Variants in CYP2U1 observed in about 807,000 individuals in gnomAD.
CYP2U1 encodes the protein cytochrome P450 family 2 subfamily U member 1.
In CYP2U1, 28 loss-of-function variants were observed where a neutral mutation model predicts 42.8. That is an observed-to-expected ratio of 0.65 (90% CI 0.48 to 0.90). The LOEUF (loss-of-function observed/expected upper bound fraction) is 0.90, where lower values mean the gene tolerates loss of function less well. Among genes scored for constraint, CYP2U1 ranks in the 40% least tolerant of loss-of-function variants. The probability of loss-of-function intolerance (pLI) is 0.00; values close to 1 mark genes in which losing one functional copy is unlikely to be tolerated. For missense variants in CYP2U1, 642 were observed against 693.8 expected (o/e 0.93, Z 0.84); for synonymous variants, 296 against 278.9 (o/e 1.06, Z -0.61).
intron 1 of CYP2U1, chr4:107,935,960 A>G (rs950114149): frequency 1.3e-5 from 2 of 152,274 alleles, no homozygotes; most frequent in African/African-American, 4.8e-5. Context: ...TGGTGAGAAT[A>G]GCAGAGAAGG....
At chr4:107,944,389 AAC>A (rs1733605805) in intron 1 of CYP2U1, among the ~76,000 whole-genome samples, 1 of 151,954 alleles carries the variant, frequency 6.6e-6, no homozygotes, top group South Asian at 2.1e-4. Flanking sequence ...TGCAGCATCC[AAC>A]TCCTGGGCTC....
intron 3 of CYP2U1, among the ~76,000 whole-genome samples, chr4:107,948,803 C>T (rs555450532): frequency 1.3e-5 from 2 of 152,244 alleles, no homozygotes; most frequent in Admixed American, 6.5e-5. Context: ...GTTGCTTATA[C>T]ATGACATTGG....
chr4:107,932,934 T>G (rs1461169431), intron 1 of CYP2U1, among the ~76,000 whole-genome samples: 7 of 152,230 alleles, frequency 4.6e-5, no homozygotes, highest in Admixed American at 4.6e-4. Context: ...AAACTGACGC[T>G]ACATAACTTT....
In CYP2U1 at chr4:107,948,598, C is replaced by A. The variant is rs187064866; in HGVS notation, c.1289-752C>A. Among the ~76,000 whole-genome samples, 532 of 151,508 alleles carry A rather than the reference C, an allele frequency of 3.5e-3. 1 individual carries two copies. Among genetic ancestry groups the A allele is most frequent in the African/African-American group, 6.3e-3 (258 of 41,034 alleles). ...TCTCAATAATAATAATAATAATCATCATCATCATCATCATAGTTAGAAGAG... is the reference window on the plus strand; with the variant it reads ...TCTCAATAATAATAATAATAATCATAATCATCATCATCATAGTTAGAAGAG... On this transcript the variant is annotated intron_variant, in intron 3 of 4. Coordinates refer to ENST00000332884, the MANE Select transcript of CYP2U1 (RefSeq NM_183075.3).
rs114141019 is a variant in CYP2U1 at position 107,943,134 on chromosome 4, A to C, written c.491-1836A>C. ...ACTGGTAACAATCAGAGAAATGCAA[A>C]TAAAAATCGATGAGATACGTTTCAG... On this transcript the variant is annotated intron_variant, in intron 1 of 4. Transcript: ENST00000332884. Among the ~76,000 whole-genome samples the C allele has an allele frequency of 9.4e-3, 1,431 of 152,348 alleles. 28 individuals carry two copies. The highest frequency in any genetic ancestry group is 0.033 in the African/African-American group (1,360 of 41,580).
chr4:107,936,630 T>C (rs1733278265), intron 1 of CYP2U1: 1 of 152,274 alleles, frequency 6.6e-6, no homozygotes, highest in South Asian at 2.1e-4. Flanking sequence ...TATTCTGTTA[T>C]AGCAACACAA....
In CYP2U1 at chr4:107,945,514, C is replaced by A. The variant is rs532524453; in HGVS notation, c.1035C>A (p.Ile345=). ...TTGATGAAGAGTACTTATTTTATAT[C>A]ATTGGGGATCTCTTTATTGCTGGGA... ...SSFDEEYLFY[I]IGDLFIAGTD... Residue 345 remains isoleucine (I), a synonymous_variant, in exon 2 of 5, where the codon ATC becomes ATA. Coordinates refer to ENST00000332884, the MANE Select transcript of CYP2U1 (RefSeq NM_183075.3). 2 of 1,613,948 alleles carry A rather than the reference C, an allele frequency of 1.2e-6. No homozygotes were observed. Among genetic ancestry groups the A allele is most frequent in the Admixed American group, 1.7e-5 (1 of 60,012 alleles).
rs1733670811 is a variant in CYP2U1, at chr4:107,945,554, A to C, written c.1075A>C (p.Asn359His). Reference sequence around the variant, plus strand: ...TATTGCTGGGACTGATACCACAACTAACTCTTTGCTCTGGTGCCTGCTGTA... The same window carrying C: ...TATTGCTGGGACTGATACCACAACTCACTCTTTGCTCTGGTGCCTGCTGTA... ...LFIAGTDTTT[N>H]SLLWCLLYMS... Residue 359 changes from asparagine (N) to histidine (H), a missense_variant, in exon 2 of 5, where the codon AAC becomes CAC. Asn to His is a moderately conservative substitution (Grantham distance 68). Coordinates refer to ENST00000332884, the MANE Select transcript of CYP2U1 (RefSeq NM_183075.3). 1 of 1,609,860 alleles carries C rather than the reference A, an allele frequency of 6.2e-7. No homozygotes were observed. The highest frequency in any genetic ancestry group is 8.5e-7 in the Non-Finnish European group (1 of 1,177,220).
At chr4:107,948,697 C>CCAAATG (rs1733801198) in intron 3 of CYP2U1, among the ~76,000 whole-genome samples, 2 of 152,176 alleles carry the variant, frequency 1.3e-5, no homozygotes, top group Non-Finnish European at 2.9e-5. Context: ...CATGTCCAGA[C>CCAAATG]TCTCTTTAAA....
intron 1 of CYP2U1, among the ~76,000 whole-genome samples, chr4:107,933,659 C>T (rs909066987): frequency 6.6e-6 from 1 of 152,100 alleles, no homozygotes; most frequent in East Asian, 1.9e-4. Flanking sequence ...GGACCTCCTG[C>T]GAATAACAAA....
Position 107,944,036 on chromosome 4 carries a change from A to C in CYP2U1, c.491-934A>C, listed in dbSNP as rs139222732. On this transcript the variant is annotated intron_variant, in intron 1 of 4. Transcript: ENST00000332884. Reference sequence around the variant, plus strand: ...ATCAGGGCTGCTGCCGACAACAGACATTTTAGATTACCTGCCAGTTATCAG... The same window carrying C: ...ATCAGGGCTGCTGCCGACAACAGACCTTTTAGATTACCTGCCAGTTATCAG... Among the ~76,000 whole-genome samples the C allele has an allele frequency of 4.9e-3, 741 of 152,342 alleles. 10 individuals are homozygous for C. Among genetic ancestry groups the C allele is most frequent in the African/African-American group, 0.017 (714 of 41,574 alleles).
chr4:107,933,941 A>C (rs1341400782), intron 1 of CYP2U1, among the ~76,000 whole-genome samples: 2 of 152,244 alleles, frequency 1.3e-5, no homozygotes, highest in East Asian at 3.9e-4. Flanking sequence ...TATATACCAC[A>C]TTTTGTTTAC....
intron 1 of CYP2U1, among the ~76,000 whole-genome samples, chr4:107,943,148 G>C (rs1266525647): frequency 6.6e-6 from 1 of 152,206 alleles, no homozygotes; most frequent in Non-Finnish European, 1.5e-5. Flanking sequence ...AAATCGATGA[G>C]ATACGTTTCA....
chr4:107,939,914 G>A (rs1733419588), intron 1 of CYP2U1, among the ~76,000 whole-genome samples: 1 of 152,032 alleles, frequency 6.6e-6, no homozygotes, highest in African/African-American at 2.4e-5. Context: ...CTCTTGAAGT[G>A]CTTCAACTGG....
chr4:107,933,148 C>G (rs1454697161), intron 1 of CYP2U1, among the ~76,000 whole-genome samples: 1 of 152,116 alleles, frequency 6.6e-6, no homozygotes, highest in African/African-American at 2.4e-5. Context: ...ACGGAAAAGA[C>G]AAATATTGTA....
chr4:107,932,144 G>A lies in CYP2U1; in HGVS notation c.490+11G>A. The A allele has an allele frequency of 1.3e-6, 2 of 1,598,110 alleles. No individual in the cohort carries two copies. The highest frequency in any genetic ancestry group is 1.7e-6 in the Non-Finnish European group (2 of 1,173,210). The stretch of plus-strand genomic sequence containing the variant: ...TGACCAAGGAGAAGGGTGAGCGGGA[G>A]GTCGTGGGCTGTGGGTACGCGGATG... On this transcript the variant is annotated intron_variant, in intron 1 of 4. Coordinates refer to ENST00000332884, the MANE Select transcript of CYP2U1 (RefSeq NM_183075.3).
chr4:107,934,694 C>A (rs2126191667), intron 1 of CYP2U1, among the ~76,000 whole-genome samples: 1 of 152,294 alleles, frequency 6.6e-6, no homozygotes, highest in South Asian at 2.1e-4. Flanking sequence ...ACATTTCAAC[C>A]TGACCTTCCT....
At position 107,945,534 on chromosome 4, in the gene CYP2U1, C is replaced by T. The variant is rs1308251686; in HGVS notation, c.1055C>T (p.Ala352Val). Residue 352 changes from alanine to valine, a missense_variant, in exon 2 of 5, where the codon GCT becomes GTT. Physicochemically the swap from Ala to Val is moderately conservative, Grantham distance 64 (BLOSUM62 0). Coordinates refer to ENST00000332884, the MANE Select transcript of CYP2U1 (RefSeq NM_183075.3). ...LFYIIGDLFI[A>V]GTDTTTNSLL... is the part of the protein sequence containing the mutation. ...TATATCATTGGGGATCTCTTTATTGCTGGGACTGATACCACAACTAACTCT... is the reference window on the plus strand; with the variant it reads ...TATATCATTGGGGATCTCTTTATTGTTGGGACTGATACCACAACTAACTCT... The T allele has an allele frequency of 3.7e-6, 6 of 1,613,110 alleles. No individual in the cohort carries two copies. The East Asian group carries it at 1.3e-4, about 36-fold the overall frequency.
Position 107,952,638 on chromosome 4 carries a change from G to A in CYP2U1, c.*2215G>A, listed in dbSNP as rs141848079. Reference sequence around the variant, plus strand: ...TGACTTCTGCCGTTAGCCATACTCTGTGTAGTTAGATCTCAGTCTGGGAAT... The same window carrying A: ...TGACTTCTGCCGTTAGCCATACTCTATGTAGTTAGATCTCAGTCTGGGAAT... On this transcript the variant is annotated 3_prime_UTR_variant, in exon 5 of 5. Transcript: ENST00000332884. 6.6e-6 allele frequency: 1 copy of A among 152,342 alleles called. No individual in the cohort carries two copies. The highest frequency in any genetic ancestry group is 2.4e-5 in the African/African-American group (1 of 41,592). 9.4% of individuals were successfully genotyped at this position (152,342 alleles called of 1,614,324 possible).
Sources: allele counts gnomAD v4.1 joint callset (sites outside exome capture counted in the v4.1 genomes callset), GRCh38; gene constraint gnomAD v4.1.1; transcripts MANE v1.5; gene names NCBI Gene and HGNC (gene_info 2026-07-23, HGNC 2026-07-21).